The following AFF3 variants were observed in gnomAD, a reference collection of about 807,000 sequenced individuals.
AFF3 encodes AF4/FMR2 family member 3.
Under a neutral mutation model 129.7 loss-of-function variants are expected in AFF3, and 32 were observed. The observed-to-expected ratio is 0.25, with a 90% confidence interval of 0.19 to 0.33. The LOEUF (loss-of-function observed/expected upper bound fraction) is 0.33, where lower values mean the gene tolerates loss of function less well. Ranked by LOEUF, AFF3 falls within the 10% of genes least tolerant of loss-of-function variation. The pLI, the probability that AFF3 is intolerant of heterozygous loss-of-function variation, is 1.00. For missense variants in AFF3, 1,373 were observed against 1,592.0 expected (o/e 0.86, Z 2.34); for synonymous variants, 644 against 635.4 (o/e 1.01, Z -0.20).
chr2:100,061,159 C>T (rs531170868), intron 4 of AFF3, among the ~76,000 whole-genome samples: 2 of 152,258 alleles, frequency 1.3e-5, no homozygotes, highest in South Asian at 2.1e-4. Context: ...CAGGTTTCTC[C>T]ACCTCTAAGT....
chr2:100,034,393 G>T (rs919611945), intron 4 of AFF3, among the ~76,000 whole-genome samples: 1 of 152,004 alleles, frequency 6.6e-6, no homozygotes, highest in Non-Finnish European at 1.5e-5. Context: ...AAACCTAAAG[G>T]ATAAAAATCA....
rs1167868013 is a variant in AFF3, at chr2:99,557,271, G to A, written c.3285+1604C>T. ...GAGGAGCAACTCTGATTTTCTGGTT[G>A]TGTTTTCCTTTTTTTTTTTTTTTTT... On this transcript the variant is annotated intron_variant, in intron 22 of 24. Transcript: ENST00000672756. Among the ~76,000 whole-genome samples the A allele has an allele frequency of 1.3e-5, 2 of 148,734 alleles. 1 individual carries two copies. Among genetic ancestry groups the A allele is most frequent in the Non-Finnish European group, 3.0e-5 (2 of 67,408 alleles).
intron 8 of AFF3, among the ~76,000 whole-genome samples, chr2:99,773,195 G>A (rs1247523849): frequency 6.6e-6 from 1 of 152,152 alleles, no homozygotes; most frequent in Non-Finnish European, 1.5e-5. Context: ...ATAGTTTATA[G>A]CACTCAGCCC....
At chr2:100,057,841 A>C (rs954517829) in intron 4 of AFF3, among the ~76,000 whole-genome samples, 4 of 152,238 alleles carry the variant, frequency 2.6e-5, no homozygotes, top group Non-Finnish European at 5.9e-5. Context: ...CTGGAAAGAA[A>C]TGCAAACGTG....
intron 5 of AFF3, among the ~76,000 whole-genome samples, chr2:100,008,488 A>G (rs1682187039): frequency 6.6e-6 from 1 of 150,530 alleles, no homozygotes. Flanking sequence ...CTACGATCTG[A>G]GAAAACATAA....
chr2:99,641,688 CAAAAA>C (rs1684207024), intron 13 of AFF3, among the ~76,000 whole-genome samples: 1 of 151,928 alleles, frequency 6.6e-6, no homozygotes, highest in Non-Finnish European at 1.5e-5. Context: ...AAAACAAAAA[CAAAAA>C]AGAACACGAA....
intron 7 of AFF3, among the ~76,000 whole-genome samples, chr2:99,969,605 C>T (rs1372836208): frequency 6.6e-6 from 1 of 152,154 alleles, no homozygotes; most frequent in African/African-American, 2.4e-5. Context: ...TCTCCTGCCT[C>T]AGCCTCCCTA....
At chr2:99,815,685 C>T (rs187411058) in intron 8 of AFF3, among the ~76,000 whole-genome samples, 1 of 151,386 alleles carries the variant, frequency 6.6e-6, no homozygotes, top group Non-Finnish European at 1.5e-5. Context: ...TTTTGCTGTG[C>T]ATAGAATTCT....
At chr2:99,620,576 C>A (rs1187040447) in intron 13 of AFF3, among the ~76,000 whole-genome samples, 1 of 152,188 alleles carries the variant, frequency 6.6e-6, no homozygotes, top group Non-Finnish European at 1.5e-5. Context: ...TTTCACTGAG[C>A]TATGATTGTA....
chr2:99,615,007 G>A (rs997988210), intron 13 of AFF3, among the ~76,000 whole-genome samples: 47 of 152,308 alleles, frequency 3.1e-4, no homozygotes, highest in African/African-American at 1.1e-3. Context: ...TAGTTTTTCA[G>A]AGTATAATGT....
intron 4 of AFF3, among the ~76,000 whole-genome samples, chr2:100,040,006 T>A (rs1685289722): frequency 6.6e-6 from 1 of 152,224 alleles, no homozygotes; most frequent in African/African-American, 2.4e-5. Flanking sequence ...AAATTTCCAA[T>A]GCAGATTCAC....
At chr2:100,107,025 C>G in intron 2 of AFF3, 1 of 985,392 alleles carries the variant, frequency 1.0e-6, no homozygotes, top group Non-Finnish European at 1.2e-6. Context: ...GCACCTAAAG[C>G]AATTGCAAGG....
At position 99,707,438 on chromosome 2, in the gene AFF3, A is replaced by AT. The variant is rs544951082; in HGVS notation, c.1091+19638dup. ...TCCTCTTCGTATCAAGTATCAGATA[A>AT]TTTTTTTGCATTTCAGCACGAGGCA... On this transcript the variant is annotated intron_variant, in intron 11 of 24. Transcript: ENST00000672756. The AT allele has an allele frequency of 6.6e-5, 65 of 985,294 alleles. 3 individuals are homozygous for AT. In the East Asian group the frequency reaches 6.8e-3, roughly 103 times the overall value. 61.0% of individuals were successfully genotyped at this position (985,294 alleles called of 1,614,324 possible).
At chr2:100,084,308 T>C (rs2105371304) in intron 4 of AFF3, among the ~76,000 whole-genome samples, 1 of 152,356 alleles carries the variant, frequency 6.6e-6, no homozygotes, top group East Asian at 1.9e-4. Context: ...CTAAACACTT[T>C]ACGCATATTA....
chr2:99,899,265 T>A (rs1168484097), intron 7 of AFF3, among the ~76,000 whole-genome samples: 1 of 152,192 alleles, frequency 6.6e-6, no homozygotes, highest in Non-Finnish European at 1.5e-5. Context: ...AACTACAGTT[T>A]TCTGAAACAA....
chr2:100,104,843 G>C (rs1255086837), intron 3 of AFF3: 5 of 514,574 alleles, frequency 9.7e-6, no homozygotes, highest in Non-Finnish European at 1.2e-5. Flanking sequence ...GCGCCCGCCC[G>C]CCCGCCTCTT....
intron 10 of AFF3, among the ~76,000 whole-genome samples, chr2:99,741,584 G>A (rs1205638322): frequency 8.5e-5 from 13 of 152,098 alleles, no homozygotes; most frequent in Non-Finnish European, 1.8e-4. Flanking sequence ...ACAAACAAAC[G>A]GAAGAACATT....
rs371218454 is a variant in AFF3, at chr2:99,863,844, C to A, written c.874-26320G>T. Among the ~76,000 whole-genome samples, 10 of 152,240 alleles carry A rather than the reference C, an allele frequency of 6.6e-5. No individual in the cohort carries two copies. In the East Asian group the frequency reaches 1.7e-3, roughly 26 times the overall value. On this transcript the variant is annotated intron_variant, in intron 7 of 24. Coordinates refer to ENST00000672756, the MANE Select transcript of AFF3 (RefSeq NM_001386135.1). Reference sequence around the variant, plus strand: ...GTTTTCATTTGAAATGCATATGCCACAAAGATGTCGCTTCTTTCACAATGG... The same window carrying A: ...GTTTTCATTTGAAATGCATATGCCAAAAAGATGTCGCTTCTTTCACAATGG...
chr2:99,974,891 G>A (rs967559799), intron 7 of AFF3, among the ~76,000 whole-genome samples: 2 of 152,186 alleles, frequency 1.3e-5, no homozygotes, highest in African/African-American at 4.8e-5. Context: ...GTGAATGATG[G>A]TCTGGGAAAG....
Sources: gnomAD v4.1 joint callset for allele counts (sites outside exome capture counted in the v4.1 genomes callset) on GRCh38, gnomAD v4.1.1 for gene constraint, MANE v1.5 for transcripts, NCBI Gene and HGNC (gene_info 2026-07-23, HGNC 2026-07-21) for gene names.